The following SLCO3A1 variants were observed in gnomAD, a reference collection of about 807,000 sequenced individuals.
SLCO3A1 encodes the protein solute carrier organic anion transporter family member 3A1.
Under a neutral mutation model 63.1 loss-of-function variants are expected in SLCO3A1, and 27 were observed. The ratio of observed to expected loss-of-function variants is 0.43; its 90% CI spans 0.32 to 0.59. The LOEUF is 0.59. Ranked by LOEUF, SLCO3A1 falls within the 20% of genes least tolerant of loss-of-function variation. The pLI is 0.09. For synonymous variants in SLCO3A1, 473 were observed against 409.9 expected, an observed-to-expected ratio of 1.15 and a Z score of -1.86; for missense variants, 773 against 945.8, an observed-to-expected ratio of 0.82 and a Z score of 2.40.
chr15:92,011,932 G>A (rs145612500), intron 2 of SLCO3A1, among the ~76,000 whole-genome samples: 8 of 152,362 alleles, frequency 5.3e-5, no homozygotes, highest in African/African-American at 1.4e-4. Flanking sequence ...CCTGGCAGCT[G>A]TCCCCAGGGT....
chr15:91,918,395 C>T (rs184208393), intron 2 of SLCO3A1, among the ~76,000 whole-genome samples: 10 of 152,268 alleles, frequency 6.6e-5, no homozygotes, highest in Admixed American at 2.6e-4. Flanking sequence ...GCATGACATA[C>T]GAACATCTTG....
At chr15:92,139,523 A>G (rs886603924) in intron 7 of SLCO3A1, among the ~76,000 whole-genome samples, 23 of 151,550 alleles carry the variant, frequency 1.5e-4, no homozygotes, top group East Asian at 3.9e-4. Flanking sequence ...CTCTTTTTCT[A>G]TTGATTGGAA....
chr15:92,050,986 C>A (rs2046950272), intron 2 of SLCO3A1, among the ~76,000 whole-genome samples: 1 of 152,202 alleles, frequency 6.6e-6, no homozygotes, highest in Admixed American at 6.5e-5. Context: ...GGCCCCAGCC[C>A]AAATCCACCT....
intron 2 of SLCO3A1, among the ~76,000 whole-genome samples, chr15:92,025,499 C>CTT: frequency 6.6e-6 from 1 of 152,330 alleles, no homozygotes; most frequent in Non-Finnish European, 1.5e-5. Context: ...GCTACTGTGG[C>CTT]TAGCAAACAT....
chr15:92,016,262 A>ATAGATAGATAGATAGAT (rs2046434143), intron 2 of SLCO3A1, among the ~76,000 whole-genome samples: 1 of 112,778 alleles, frequency 8.9e-6, no homozygotes, highest in Non-Finnish European at 1.9e-5. Context: ...GATTAGATAG[A>ATAGATAGATAGATAGAT]TAGATAGATA....
chr15:92,105,436 T>C (rs1180575100), intron 4 of SLCO3A1, among the ~76,000 whole-genome samples: 3 of 152,092 alleles, frequency 2.0e-5, no homozygotes, highest in Non-Finnish European at 4.4e-5. Flanking sequence ...TTGCTATCAT[T>C]TTTTAAAGAA....
At chr15:92,056,270 A>G (rs1284357964) in intron 2 of SLCO3A1, among the ~76,000 whole-genome samples, 1 of 152,198 alleles carries the variant, frequency 6.6e-6, no homozygotes, top group African/African-American at 2.4e-5. Flanking sequence ...TAAAGCATAC[A>G]GAATTACAGT....
At chr15:92,003,198 C>G (rs1189838008) in intron 2 of SLCO3A1, among the ~76,000 whole-genome samples, 3 of 152,174 alleles carry the variant, frequency 2.0e-5, no homozygotes, top group Non-Finnish European at 4.4e-5. Context: ...TGCTATATCT[C>G]TCTAGTGCCT....
chr15:91,946,889 T>A (rs1350033857), intron 2 of SLCO3A1, among the ~76,000 whole-genome samples: 1 of 152,174 alleles, frequency 6.6e-6, no homozygotes, highest in Non-Finnish European at 1.5e-5. Context: ...GAACCTGCCA[T>A]TGTGGAATGG....
At chr15:92,053,301 A>C (rs1429192442) in intron 2 of SLCO3A1, among the ~76,000 whole-genome samples, 2 of 152,088 alleles carry the variant, frequency 1.3e-5, no homozygotes, top group Admixed American at 1.3e-4. Flanking sequence ...TACACTTTTT[A>C]TTTGACAATA....
chr15:92,059,180 A>T (rs2047056621), intron 2 of SLCO3A1, among the ~76,000 whole-genome samples: 1 of 152,182 alleles, frequency 6.6e-6, no homozygotes, highest in Non-Finnish European at 1.5e-5. Context: ...TACCAAGTAG[A>T]TCAACCTCTT....
At chr15:92,109,015 A>G (rs975143857) in intron 4 of SLCO3A1, among the ~76,000 whole-genome samples, 1 of 152,182 alleles carries the variant, frequency 6.6e-6, no homozygotes, top group East Asian at 1.9e-4. Flanking sequence ...TTCATTTCCA[A>G]TGCACAGAAC....
rs1181104150 is a variant in SLCO3A1, at chr15:91,954,766, C to T, written c.646+38308C>T. ...CCTGCGAAGCACCCTCTGCTTCCTC[C>T]TTCCTTCTCCAACAGCAAGGATCCG... On this transcript the variant is annotated intron_variant, in intron 2 of 9. Coordinates refer to ENST00000318445, the MANE Select transcript of SLCO3A1 (RefSeq NM_013272.4). This position sits in a 1 kb window ranked among gnomAD's most constrained non-coding sequence, Gnocchi z 4.7. 6.6e-6 allele frequency among the ~76,000 whole-genome samples: 1 copy of T among 152,070 alleles called. No individual in the cohort carries two copies. Among genetic ancestry groups the T allele is most frequent in the Non-Finnish European group, 1.5e-5 (1 of 68,018 alleles).
At position 92,100,663 on chromosome 15, in the gene SLCO3A1, A is replaced by G. The variant is rs114377822; in HGVS notation, c.746-3616A>G. 6.4e-3 allele frequency among the ~76,000 whole-genome samples: 968 copies of G among 152,312 alleles called. 12 individuals carry two copies. Among genetic ancestry groups the G allele is most frequent in the African/African-American group, 0.022 (920 of 41,548 alleles). ...TTTTATCTAAAACAATACTTTTGCT[A>G]TGCCAAGCCTGCCTGAGACTGCTGT... On this transcript the variant is annotated intron_variant, in intron 3 of 9. Transcript: ENST00000318445.
intron 4 of SLCO3A1, among the ~76,000 whole-genome samples, chr15:92,111,953 A>C (rs1337000638): frequency 4.6e-5 from 7 of 152,226 alleles, no homozygotes; most frequent in African/African-American, 1.7e-4. Context: ...ATACTTCTGA[A>C]ACATATGTGA....
intron 2 of SLCO3A1, among the ~76,000 whole-genome samples, chr15:92,072,940 A>G (rs1027384522): frequency 5.9e-5 from 9 of 152,174 alleles, no homozygotes. Flanking sequence ...CATTCAACCC[A>G]GTACAAAAAC....
intron 4 of SLCO3A1, among the ~76,000 whole-genome samples, chr15:92,112,449 G>C (rs2047740226): frequency 6.6e-6 from 1 of 152,222 alleles, no homozygotes; most frequent in Admixed American, 6.5e-5. Context: ...ATCAGCTGTG[G>C]AGTTTCTTGA....
intron 2 of SLCO3A1, among the ~76,000 whole-genome samples, chr15:92,082,286 G>A (rs764699501): frequency 1.3e-5 from 2 of 152,232 alleles, no homozygotes; most frequent in Non-Finnish European, 2.9e-5. Context: ...CTTTGAGCCT[G>A]CAGATTTAAG....
chr15:92,003,141 G>A (rs1162961342), intron 2 of SLCO3A1, among the ~76,000 whole-genome samples: 1 of 152,102 alleles, frequency 6.6e-6, no homozygotes, highest in Non-Finnish European at 1.5e-5. Context: ...CCCCAGCTCT[G>A]CTCTGAAACA....
Sources: gnomAD v4.1 joint callset for allele counts (sites outside exome capture counted in the v4.1 genomes callset) on GRCh38, gnomAD v4.1.1 for gene constraint, Gnocchi (gnomAD v3.1) non-coding constraint, MANE v1.5 for transcripts, NCBI Gene and HGNC (gene_info 2026-07-23, HGNC 2026-07-21) for gene names.